Variants in SYNE2 observed in about 807,000 individuals in gnomAD.
SYNE2 encodes nesprin-2.
Under a neutral mutation model 856.3 loss-of-function variants are expected in SYNE2, and 431 were observed. That is an observed-to-expected ratio of 0.50 (90% CI 0.47 to 0.55). The LOEUF (loss-of-function observed/expected upper bound fraction) is 0.55, where lower values mean the gene tolerates loss of function less well. SYNE2 is among the 20% of genes least tolerant of loss of function. SYNE2 has a pLI of 0.00. For missense variants in SYNE2, 8,129 were observed against 8,023.2 expected, an observed-to-expected ratio of 1.01 and a Z score of -0.50; for synonymous variants, 2,923 against 2,872.3, an observed-to-expected ratio of 1.02 and a Z score of -0.56.
chr14:63,942,290 A>T lies in SYNE2; in HGVS notation c.408+147A>T. The T allele has an allele frequency of 6.1e-6, 4 of 660,916 alleles. No individual in the cohort carries two copies. The South Asian group carries it at 6.9e-5, about 11-fold the overall frequency. The allele number at this position is 660,916 out of a possible 1,614,324, so 40.9% of individuals were successfully genotyped here. A position where few individuals can be genotyped will look rare whatever the true frequency, so the allele number is the denominator to read the frequency against. On this transcript the variant is annotated intron_variant, in intron 6 of 115. Transcript: ENST00000555002. ...AAATCTTGAAGAGGTAGAAAATAATAGCAGACTTTTTGCCATTTCTGTTAT... is the reference window on the plus strand; with the variant it reads ...AAATCTTGAAGAGGTAGAAAATAATTGCAGACTTTTTGCCATTTCTGTTAT...
chr14:64,037,379 T>C (rs1411385033), intron 45 of SYNE2, among the ~76,000 whole-genome samples: 5 of 151,196 alleles, frequency 3.3e-5, no homozygotes, highest in Non-Finnish European at 7.4e-5. Flanking sequence ...AAAGCACATC[T>C]TGCACCGCCC....
chr14:64,056,763 C>T (rs1370546111), intron 49 of SYNE2, among the ~76,000 whole-genome samples: 1 of 151,900 alleles, frequency 6.6e-6, no homozygotes, highest in African/African-American at 2.4e-5. Flanking sequence ...CTCCGCCTCC[C>T]GAGTTCAAGT....
rs2098001076 is a variant in SYNE2 at position 64,130,226 on chromosome 14, A to T, written c.14318A>T (p.Gln4773Leu). ...CAAACCAAAAGTAAAGTGGCGTTAC[A>T]GGCTCAAATAGAAAATCACAAGGTG... ...LKQTKSKVAL[Q>L]AQIENHKVFF... Residue 4773 changes from glutamine (Q) to leucine (L), a missense_variant, in exon 76 of 116, where the codon CAG (glutamine) becomes CTG (leucine). Gln to Leu is a moderately radical substitution (Grantham distance 113, BLOSUM62 -2). Coordinates refer to ENST00000555002, the MANE Select transcript of SYNE2 (RefSeq NM_182914.3). 1 of 1,612,756 alleles carries T rather than the reference A, an allele frequency of 6.2e-7. No homozygotes were observed. Among genetic ancestry groups the T allele is most frequent in the African/African-American group, 1.3e-5 (1 of 74,902 alleles).
intron 46 of SYNE2, chr14:64,048,375 A>G (rs1190861590): frequency 8.1e-6 from 3 of 370,186 alleles, no homozygotes; most frequent in South Asian, 5.3e-5. Flanking sequence ...TCTTCTTTCT[A>G]TTTCACAAAG....
At chr14:64,046,426 C>T (rs1595115176) in intron 45 of SYNE2, among the ~76,000 whole-genome samples, 2 of 152,334 alleles carry the variant, frequency 1.3e-5, no homozygotes, top group Non-Finnish European at 2.9e-5. Flanking sequence ...AATCATGGCT[C>T]ACTGTAGCCT....
At chr14:64,074,496 A>G (rs372728117) in intron 53 of SYNE2, among the ~76,000 whole-genome samples, 17 of 152,304 alleles carry the variant, frequency 1.1e-4, no homozygotes, top group South Asian at 2.1e-4. Context: ...GACAGGGTCT[A>G]TGTACACCCT....
intron 87 of SYNE2, among the ~76,000 whole-genome samples, chr14:64,160,895 A>G (rs1298114701): frequency 2.6e-5 from 4 of 152,222 alleles, no homozygotes; most frequent in African/African-American, 9.6e-5. Context: ...AATTACAAAT[A>G]TCTTAACTAT....
chr14:63,804,292 A>AT (rs202183818), intron 1 of SYNE2, among the ~76,000 whole-genome samples: 3,573 of 150,412 alleles, frequency 0.024, 53 homozygotes, highest in Middle Eastern at 0.07. Flanking sequence ...CATGGTTTGC[A>AT]TTTTTTTTTC....
intron 11 of SYNE2, among the ~76,000 whole-genome samples, chr14:63,972,905 C>T (rs2096490910): frequency 6.6e-6 from 1 of 152,252 alleles, no homozygotes; most frequent in Admixed American, 6.5e-5. Flanking sequence ...TATCTTTTGG[C>T]AAATGTACAA....
intron 49 of SYNE2, 58 bp from the exon 50 acceptor site, chr14:64,062,693 G>T: frequency 6.8e-7 from 1 of 1,466,600 alleles, no homozygotes; most frequent in Non-Finnish European, 9.5e-7. Context: ...GGGAAATTTT[G>T]AATTTATTGT....
Position 64,056,091 on chromosome 14 carries a change from C to T in SYNE2, c.9892C>T (p.Arg3298Ter), listed in dbSNP as rs942516072. ...AGAAGAATCTTTAGAGATGCCTCTT[C>T]GAAAACAAGAGGAATTGGAATCCAC... Reference protein sequence around the residue: ...NPEESLEMPLRKQEELESTVA... With the variant: ...NPEESLEMPL The change falls in exon 49 of 116, where the codon CGA becomes TGA. Residue 3298 changes from arginine (R) to a stop codon, truncating the protein, a stop_gained. Transcript: ENST00000555002. LOFTEE classifies it high-confidence loss of function. 1.9e-6 allele frequency: 3 copies of T among 1,614,000 alleles called. No individual in the cohort carries two copies. Among genetic ancestry groups the T allele is most frequent in the Non-Finnish European group, 1.7e-6 (2 of 1,180,022 alleles).
intron 19 of SYNE2, among the ~76,000 whole-genome samples, chr14:63,988,180 T>C (rs1045138260): frequency 8.5e-5 from 13 of 152,190 alleles, no homozygotes; most frequent in African/African-American, 2.7e-4. Context: ...CAGGTTCAAG[T>C]GATCCTTCCA....
Position 63,978,158 on chromosome 14 carries a change from G to A in SYNE2, c.1406+141G>A, listed in dbSNP as rs1255896. On this transcript the variant is annotated intron_variant, in intron 13 of 115. Coordinates refer to ENST00000555002, the MANE Select transcript of SYNE2 (RefSeq NM_182914.3). ...TAAATCTTGATAACAGTATCTTCACGTTTTATGTAGTAGTAACATTATAGG... is the reference window on the plus strand; with the variant it reads ...TAAATCTTGATAACAGTATCTTCACATTTTATGTAGTAGTAACATTATAGG... 199,778 of 692,474 alleles carry A rather than the reference G, an allele frequency of 0.29. 29,816 individuals carry two copies. The highest frequency in any genetic ancestry group is 0.36 in the Middle Eastern group (1,505 of 4,220). 42.9% of individuals were successfully genotyped at this position (692,474 alleles called of 1,614,324 possible).
At chr14:63,807,188 A>G (rs1888393749) in intron 1 of SYNE2, among the ~76,000 whole-genome samples, 1 of 152,094 alleles carries the variant, frequency 6.6e-6, no homozygotes, top group Non-Finnish European at 1.5e-5. Flanking sequence ...AAAAGTAAAG[A>G]TTAGCTGGGC....
chr14:63,926,544 C>A (rs1240033728), intron 2 of SYNE2, among the ~76,000 whole-genome samples: 1 of 152,182 alleles, frequency 6.6e-6, no homozygotes, highest in Non-Finnish European at 1.5e-5. Flanking sequence ...ACAGGCAATG[C>A]ACAATCAAGC....
chr14:64,035,974 CA>C (rs1190970224), intron 45 of SYNE2, among the ~76,000 whole-genome samples: 1 of 150,236 alleles, frequency 6.7e-6, no homozygotes, highest in African/African-American at 2.5e-5. Context: ...TTTCATTTTA[CA>C]AAATGTGGTA....
intron 96 of SYNE2, among the ~76,000 whole-genome samples, chr14:64,180,260 G>T (rs956545327): frequency 6.6e-6 from 1 of 152,080 alleles, no homozygotes; most frequent in African/African-American, 2.4e-5. Context: ...TTTATTTCAG[G>T]TGTGATGTAT....
intron 45 of SYNE2, among the ~76,000 whole-genome samples, chr14:64,040,433 A>G (rs899569812): frequency 6.6e-6 from 1 of 151,860 alleles, no homozygotes; most frequent in Admixed American, 6.6e-5. Flanking sequence ...AGGGACTTCA[A>G]CAAACAACAA....
At chr14:63,841,040 C>A (rs972199935) in intron 1 of SYNE2, among the ~76,000 whole-genome samples, 1 of 151,808 alleles carries the variant, frequency 6.6e-6, no homozygotes, top group East Asian at 1.9e-4. Flanking sequence ...CAAAACAAAA[C>A]AAAAAACTGT....
Sources: gnomAD v4.1 joint callset for allele counts (sites outside exome capture counted in the v4.1 genomes callset) on GRCh38, gnomAD v4.1.1 for gene constraint, MANE v1.5 for transcripts, NCBI Gene and HGNC (gene_info 2026-07-23, HGNC 2026-07-21) for gene names.